Variants in CACNG3 observed in about 807,000 individuals in gnomAD.
CACNG3 encodes the protein voltage-dependent calcium channel gamma-3 subunit.
In CACNG3, 3 loss-of-function variants were observed where a neutral mutation model predicts 28.5. That is an observed-to-expected ratio of 0.11 (90% CI 0.05 to 0.27). The LOEUF (loss-of-function observed/expected upper bound fraction) is 0.27. Among genes scored for constraint, CACNG3 ranks in the 10% least tolerant of loss-of-function variants. The pLI is 1.00. For missense variants in CACNG3, 236 were observed against 414.4 expected, an observed-to-expected ratio of 0.57 and a Z score of 3.74; for synonymous variants, 174 against 162.2, an observed-to-expected ratio of 1.07 and a Z score of -0.55.
At chr16:24,306,999 G>A (rs542021814) in intron 1 of CACNG3, among the ~76,000 whole-genome samples, 2 of 152,146 alleles carry the variant, frequency 1.3e-5, no homozygotes, top group Non-Finnish European at 2.9e-5. Context: ...TCAGCACAAA[G>A]GAGCTGCCTC....
chr16:24,256,799 A>G lies in CACNG3; in HGVS notation c.45A>G (p.Val15=), dbSNP rs773492815. 1.9e-6 allele frequency: 3 copies of G among 1,613,920 alleles called. No individual in the cohort carries two copies. The highest frequency in any genetic ancestry group is 2.5e-6 in the Non-Finnish European group (3 of 1,179,852). ...DRGIQMLITT[V]GAFAAFSLMT... ...GTATCCAGATGTTGATCACCACTGT[A>G]GGAGCCTTTGCCGCTTTTAGTTTAA... The change falls in exon 1 of 4, where the codon GTA becomes GTG. Residue 15 remains valine, a synonymous_variant. Coordinates refer to ENST00000005284, the MANE Select transcript of CACNG3 (RefSeq NM_006539.4). The surrounding 1 kb of genome is among the most constrained non-coding windows in gnomAD (Gnocchi z 4.6).
intron 1 of CACNG3, among the ~76,000 whole-genome samples, chr16:24,295,590 T>C (rs1899021243): frequency 6.6e-6 from 1 of 152,166 alleles, no homozygotes; most frequent in South Asian, 2.1e-4. Flanking sequence ...CTCATGTCTG[T>C]AATCCAAGCA....
At chr16:24,281,317 T>G (rs1179919112) in intron 1 of CACNG3, among the ~76,000 whole-genome samples, 1 of 152,054 alleles carries the variant, frequency 6.6e-6, no homozygotes, top group African/African-American at 2.4e-5. Flanking sequence ...TGCCTCAGCC[T>G]CTGGAGTAGC....
intron 1 of CACNG3, among the ~76,000 whole-genome samples, chr16:24,292,748 T>TTTTA (rs1390193498): frequency 6.6e-6 from 1 of 152,234 alleles, no homozygotes; most frequent in Non-Finnish European, 1.5e-5. Flanking sequence ...AACGCAGCTA[T>TTTTA]TTTAACAAAA....
intron 2 of CACNG3, 88 bp from the exon 3 acceptor site, chr16:24,354,745 C>CT (rs1198120058): frequency 1.5e-6 from 2 of 1,351,924 alleles, no homozygotes; most frequent in Non-Finnish European, 2.1e-6. Context: ...CCTGTGCTGC[C>CT]TTCCTCTCAG....
chr16:24,360,427 G>A (rs535586196), intron 3 of CACNG3, among the ~76,000 whole-genome samples: 1 of 152,132 alleles, frequency 6.6e-6, no homozygotes, highest in Non-Finnish European at 1.5e-5. Context: ...TGCAAGCCTC[G>A]CCCGTTGGAG....
At chr16:24,355,250 A>C (rs1040156778) in intron 3 of CACNG3, among the ~76,000 whole-genome samples, 1 of 151,864 alleles carries the variant, frequency 6.6e-6, no homozygotes, top group Non-Finnish European at 1.5e-5. Flanking sequence ...GGAGAGAGAA[A>C]GAGAAAAGGA....
At chr16:24,353,751 C>CTT (rs923707945) in intron 2 of CACNG3, among the ~76,000 whole-genome samples, 2 of 152,122 alleles carry the variant, frequency 1.3e-5, no homozygotes, top group African/African-American at 4.8e-5. Flanking sequence ...AATGGGTATT[C>CTT]AATGGGTGTT....
chr16:24,284,055 A>G (rs1307602358), intron 1 of CACNG3, among the ~76,000 whole-genome samples: 1 of 152,206 alleles, frequency 6.6e-6, no homozygotes, highest in Non-Finnish European at 1.5e-5. Context: ...AGGGTAAGTT[A>G]TGTTAATGTC....
At chr16:24,336,814 T>G (rs924861503) in intron 1 of CACNG3, among the ~76,000 whole-genome samples, 9 of 151,870 alleles carry the variant, frequency 5.9e-5, no homozygotes, top group Admixed American at 3.3e-4. Context: ...GTTGTTGTTG[T>G]TGTTTTGTTT....
intron 1 of CACNG3, among the ~76,000 whole-genome samples, chr16:24,258,277 C>G (rs1377285840): frequency 1.3e-5 from 2 of 152,210 alleles, no homozygotes; most frequent in Admixed American, 6.5e-5. Flanking sequence ...AACAACTGCT[C>G]TCCTGACCGT....
intron 2 of CACNG3, among the ~76,000 whole-genome samples, chr16:24,352,236 G>C (rs1450098854): frequency 6.6e-6 from 1 of 152,066 alleles, no homozygotes; most frequent in Admixed American, 6.6e-5. Context: ...TGAATATGGA[G>C]GTTAAAGGCT....
intron 1 of CACNG3, among the ~76,000 whole-genome samples, chr16:24,341,700 T>C (rs746341215): frequency 6.6e-6 from 1 of 152,220 alleles, no homozygotes; most frequent in East Asian, 1.9e-4. Flanking sequence ...TCAGGATTCA[T>C]GCCTACGTGG....
At chr16:24,287,496 C>A (rs1898911152) in intron 1 of CACNG3, among the ~76,000 whole-genome samples, 1 of 97,994 alleles carries the variant, frequency 1.0e-5, no homozygotes, top group Non-Finnish European at 1.9e-5. Flanking sequence ...CCAGCTGGGG[C>A]AACAAAGCGA....
chr16:24,347,802 G>A (rs745591836), intron 2 of CACNG3, among the ~76,000 whole-genome samples: 6 of 152,186 alleles, frequency 3.9e-5, no homozygotes, highest in African/African-American at 7.2e-5. Context: ...TTTGACCCTT[G>A]TTTGACTCTA....
In CACNG3 at chr16:24,256,470, G is replaced by T. The variant is rs965224464; in HGVS notation, c.-285G>T. On this transcript the variant is annotated 5_prime_UTR_variant, in exon 1 of 4. Coordinates refer to ENST00000005284, the MANE Select transcript of CACNG3 (RefSeq NM_006539.4). This position sits in a 1 kb window ranked among gnomAD's most constrained non-coding sequence, Gnocchi z 4.6. ...CTGCACGGACCCTCGTCTTTACCAC[G>T]CTCCTGAGGAATGAAAGGAACCCAG... The T allele has an allele frequency of 2.5e-6, 1 of 403,356 alleles. No homozygotes were observed. 25.0% of individuals were successfully genotyped at this position (403,356 alleles called of 1,614,324 possible). A position where few individuals can be genotyped will look rare whatever the true frequency, so the allele number is the denominator to read the frequency against.
chr16:24,349,929 G>A (rs78259086), intron 2 of CACNG3, among the ~76,000 whole-genome samples: 8,569 of 152,168 alleles, frequency 0.056, 423 homozygotes, highest in African/African-American at 0.13. Context: ...AGACTTCCAC[G>A]ACACAGCACT....
At chr16:24,323,419 T>C (rs1899493397) in intron 1 of CACNG3, among the ~76,000 whole-genome samples, 1 of 152,170 alleles carries the variant, frequency 6.6e-6, no homozygotes, top group Non-Finnish European at 1.5e-5. Flanking sequence ...CCAAGCTTTT[T>C]GATTTTTACA....
intron 1 of CACNG3, among the ~76,000 whole-genome samples, chr16:24,345,455 C>T (rs1899849615): frequency 1.3e-5 from 2 of 152,012 alleles, no homozygotes; most frequent in Non-Finnish European, 2.9e-5. Flanking sequence ...AATCCCAGCA[C>T]ATTGGGAGGC....
Sources: gnomAD v4.1 joint callset for allele counts (sites outside exome capture counted in the v4.1 genomes callset) on GRCh38, gnomAD v4.1.1 for gene constraint, Gnocchi (gnomAD v3.1) non-coding constraint, MANE v1.5 for transcripts, NCBI Gene and HGNC (gene_info 2026-07-23, HGNC 2026-07-21) for gene names.